The following CCDC30 variants were observed in gnomAD, a reference collection of about 807,000 sequenced individuals.
CCDC30 encodes coiled-coil domain containing 30.
In CCDC30, 70 loss-of-function variants were observed where a neutral mutation model predicts 100.2. The ratio of observed to expected loss-of-function variants is 0.70; its 90% confidence interval spans 0.58 to 0.85. CCDC30 has a LOEUF of 0.85. Among genes scored for constraint, CCDC30 ranks in the 40% least tolerant of loss-of-function variants. The pLI is 0.00. For missense variants in CCDC30, 652 were observed against 771.2 expected, an observed-to-expected ratio of 0.85 and a Z score of 1.83; for synonymous variants, 233 against 269.5, an observed-to-expected ratio of 0.86 and a Z score of 1.33.
chr1:42,471,143 T>G lies in CCDC30; in HGVS notation c.-92+7245T>G, dbSNP rs946166912. On this transcript the variant is annotated intron_variant, in intron 1 of 16. Coordinates refer to ENST00000668663, the Ensembl canonical transcript of CCDC30. ...ATAAAGATCACTGGCTTTGGGAGAATGGTCAAGTGAAGGAGCTTGGGTGAT... is the reference window on the plus strand; with the variant it reads ...ATAAAGATCACTGGCTTTGGGAGAAGGGTCAAGTGAAGGAGCTTGGGTGAT... Among the ~76,000 whole-genome samples the G allele has an allele frequency of 4.6e-5, 7 of 152,122 alleles. No individual in the cohort carries two copies. In the East Asian group the frequency reaches 7.7e-4, roughly 17 times the overall value.
intron 9 of CCDC30, 52 bp from the exon 14 acceptor site, chr1:42,589,269 G>A: frequency 7.0e-7 from 1 of 1,428,220 alleles, no homozygotes; most frequent in Non-Finnish European, 9.5e-7. Flanking sequence ...TTTTAGGTCT[G>A]AATTTCATTT....
chr1:42,534,353 C>G (rs984622093), intron 6 of CCDC30, among the ~76,000 whole-genome samples: 2 of 152,104 alleles, frequency 1.3e-5, no homozygotes, highest in African/African-American at 4.8e-5. Flanking sequence ...ATGTGTGAAT[C>G]TGAAAAAATA....
At chr1:42,603,208 T>A (rs1646438242) in intron 10 of CCDC30, among the ~76,000 whole-genome samples, 1 of 152,196 alleles carries the variant, frequency 6.6e-6, no homozygotes, top group Admixed American at 6.5e-5. Context: ...CAATGGCACT[T>A]TGTTGCTGCA....
At chr1:42,531,662 T>C (rs1306308582) in intron 6 of CCDC30, among the ~76,000 whole-genome samples, 1 of 152,132 alleles carries the variant, frequency 6.6e-6, no homozygotes, top group African/African-American at 2.4e-5. Context: ...CTCAGGAGGC[T>C]GAGGTGGGAG....
intron 10 of CCDC30, chr1:42,595,462 G>A (rs977092110): frequency 1.2e-4 from 18 of 152,380 alleles, no homozygotes; most frequent in South Asian, 4.1e-4. Flanking sequence ...CAGGAGAATC[G>A]CTTGAGCCTG....
chr1:42,625,454 G>C (rs1646915408), intron 11 of CCDC30, among the ~76,000 whole-genome samples: 1 of 151,768 alleles, frequency 6.6e-6, no homozygotes, highest in Non-Finnish European at 1.5e-5. Context: ...TCTTTAAGAT[G>C]CATCATTAGA....
upstream of CCDC30, among the ~76,000 whole-genome samples, chr1:42,463,168 T>C (rs974110471): frequency 1.3e-5 from 2 of 152,218 alleles, no homozygotes; most frequent in East Asian, 3.9e-4. Context: ...CGAAGGCCAA[T>C]GGTGTGAGAC....
intron 11 of CCDC30, among the ~76,000 whole-genome samples, chr1:42,614,369 C>T (rs1409864249): frequency 3.3e-5 from 5 of 151,714 alleles, no homozygotes; most frequent in East Asian, 3.9e-4. Flanking sequence ...CGTGAGCCAC[C>T]GCACCTGGCC....
downstream of CCDC30, among the ~76,000 whole-genome samples, chr1:42,656,016 T>C (rs1318680832): frequency 6.6e-6 from 1 of 151,784 alleles, no homozygotes; most frequent in African/African-American, 2.4e-5. Context: ...AGGCATGTGC[T>C]ACCATGCCTG....
intron 11 of CCDC30, among the ~76,000 whole-genome samples, chr1:42,614,284 G>A (rs973822502): frequency 6.6e-6 from 1 of 151,622 alleles, no homozygotes; most frequent in African/African-American, 2.4e-5. Flanking sequence ...GTTTCACCGT[G>A]TTAGCCAGGA....
chr1:42,620,721 A>G (rs752229170), intron 11 of CCDC30, among the ~76,000 whole-genome samples: 116 of 152,222 alleles, frequency 7.6e-4, no homozygotes, highest in Admixed American at 6.5e-4. Context: ...ACAGATTAAA[A>G]TCAGCTAAGG....
At chr1:42,591,995 T>C (rs945598482) in intron 10 of CCDC30, 5 of 152,268 alleles carry the variant, frequency 3.3e-5, no homozygotes, top group African/African-American at 1.2e-4. Context: ...ACTCTTTCTT[T>C]TGGCTAATTT....
rs758799251 is a variant in CCDC30 at position 42,653,931 on chromosome 1, T to C, written c.2036T>C (p.Leu679Pro). 3.6e-5 allele frequency: 58 copies of C among 1,613,792 alleles called. No homozygotes were observed. The highest frequency in any genetic ancestry group is 4.7e-5 in the Non-Finnish European group (56 of 1,179,740). The change falls in exon 17 of 17, where the codon CTT becomes CCT. Residue 679 changes from leucine (L) to proline (P), a missense_variant. Leu to Pro is a moderately conservative substitution (Grantham distance 98, BLOSUM62 -3). Coordinates refer to ENST00000668663, the Ensembl canonical transcript of CCDC30. ...TCCCCTGAAAAGTCTCCTGAGAATC[T>C]TGTGTGTTCACAGAATTCTGAGGCT...
chr1:42,641,381 G>C (rs1032027731), intron 12 of CCDC30, among the ~76,000 whole-genome samples: 1 of 151,652 alleles, frequency 6.6e-6, no homozygotes, highest in African/African-American at 2.4e-5. Flanking sequence ...CCAGGCATCT[G>C]ACTCTACAAA....
intron 8 of CCDC30, among the ~76,000 whole-genome samples, chr1:42,579,477 T>A (rs755140841): frequency 6.7e-6 from 1 of 150,064 alleles, no homozygotes; most frequent in African/African-American, 2.5e-5. Context: ...CTACTAATAA[T>A]ACAGAAATTA....
chr1:42,556,425 G>A lies in CCDC30; in HGVS notation c.457-9871G>A. Reference sequence around the variant, plus strand: ...GCCCAGGTAGGTGCTATAAACACATGCCCTGACTGGGTTCGTTTCCTCTGA... The same window carrying A: ...GCCCAGGTAGGTGCTATAAACACATACCCTGACTGGGTTCGTTTCCTCTGA... On this transcript the variant is annotated intron_variant, in intron 6 of 16. Coordinates refer to ENST00000668663, the Ensembl canonical transcript of CCDC30. 2.6e-6 allele frequency: 4 copies of A among 1,563,016 alleles called. No homozygotes were observed. The highest frequency in any genetic ancestry group is 3.5e-6 in the Non-Finnish European group (4 of 1,155,790).
intron 6 of CCDC30, chr1:42,545,462 GA>G (rs775731046): frequency 5.6e-6 from 9 of 1,599,934 alleles, no homozygotes; most frequent in South Asian, 1.1e-5. Context: ...ACTCTAGGGG[GA>G]AAAACTGCAC....
chr1:42,588,510 C>T (rs1350139828), intron 9 of CCDC30, among the ~76,000 whole-genome samples: 3 of 152,080 alleles, frequency 2.0e-5, no homozygotes, highest in African/African-American at 7.2e-5. Context: ...TTCCAAGGGA[C>T]AGTAACTCAT....
At chr1:42,475,814 TTG>T (rs1643875480) in intron 1 of CCDC30, among the ~76,000 whole-genome samples, 1 of 152,158 alleles carries the variant, frequency 6.6e-6, no homozygotes, top group Non-Finnish European at 1.5e-5. Flanking sequence ...TTTTAGTGAT[TTG>T]TGTCTCTCAC....
Sources: gnomAD v4.1 joint callset for allele counts (sites outside exome capture counted in the v4.1 genomes callset) on GRCh38, gnomAD v4.1.1 for gene constraint, MANE v1.5 for transcripts, NCBI Gene and HGNC (gene_info 2026-07-23, HGNC 2026-07-21) for gene names.